Variants in DAAM2 observed in about 807,000 individuals in gnomAD.
DAAM2 encodes dishevelled associated activator of morphogenesis 2.
A neutral mutation model predicts 120.7 loss-of-function variants in DAAM2; 39 were observed. The observed-to-expected ratio is 0.32, with a 90% confidence interval of 0.25 to 0.42. DAAM2 has a LOEUF of 0.42. Ranked by LOEUF, DAAM2 falls within the 10% of genes least tolerant of loss-of-function variation. DAAM2 has a pLI of 1.00. For missense variants in DAAM2, 1,283 were observed against 1,401.7 expected, an observed-to-expected ratio of 0.92 and a Z score of 1.35; for synonymous variants, 488 against 524.9, an observed-to-expected ratio of 0.93 and a Z score of 0.96.
intron 15 of DAAM2, chr6:39,887,254 AG>A: frequency 4.3e-6 from 2 of 468,462 alleles, no homozygotes; most frequent in Admixed American, 3.7e-5. Flanking sequence ...AAAAATAGGA[AG>A]GGGGGCTTCT....
At chr6:39,871,652 G>A (rs922020771) in intron 9 of DAAM2, 80 bp downstream of exon 9, 48 of 1,338,334 alleles carry the variant, frequency 3.6e-5, no homozygotes, top group South Asian at 2.6e-5. Flanking sequence ...TCTAGACCCC[G>A]TGTTGTGGCA....
At chr6:39,846,222 G>A (rs906911003) in intron 1 of DAAM2, among the ~76,000 whole-genome samples, 3 of 152,140 alleles carry the variant, frequency 2.0e-5, no homozygotes, top group African/African-American at 7.2e-5. Flanking sequence ...CCAGCCCCAA[G>A]AGCAGTGCCG....
At chr6:39,871,880 G>A (rs528074204) in intron 9 of DAAM2, among the ~76,000 whole-genome samples, 1 of 152,344 alleles carries the variant, frequency 6.6e-6, no homozygotes, top group South Asian at 2.1e-4. Flanking sequence ...CCAGTAGCAT[G>A]GCTCAGTCCA....
At chr6:39,886,671 A>G in intron 15 of DAAM2, 1 of 387,782 alleles carries the variant, frequency 2.6e-6, no homozygotes, top group Non-Finnish European at 4.6e-6. Flanking sequence ...TGTCTCCTGG[A>G]ATGAGGAGAA....
intron 1 of DAAM2, among the ~76,000 whole-genome samples, chr6:39,814,600 C>T (rs1349093922): frequency 6.6e-6 from 1 of 152,248 alleles, no homozygotes; most frequent in Non-Finnish European, 1.5e-5. Context: ...CAAACGCGTT[C>T]ATCTTTCTCC....
At chr6:39,887,451 A>C (rs756585014) in intron 15 of DAAM2, 35 bp from the exon 16 acceptor site, 3 of 1,529,612 alleles carry the variant, frequency 2.0e-6, no homozygotes, top group Non-Finnish European at 2.7e-6. Flanking sequence ...TAGGGAACCC[A>C]CACCTCAACT....
chr6:39,878,208 TCAA>T lies in DAAM2; in HGVS notation c.1309_1311del (p.Asn437del). 6.2e-7 allele frequency: 1 copy of T among 1,613,930 alleles called. No homozygotes were observed. Among genetic ancestry groups the T allele is most frequent in the Non-Finnish European group, 8.5e-7 (1 of 1,179,880 alleles). Reference sequence around the variant, plus strand: ...TTCCCTCTATGCCCTGCCAGGCTCATCAACGAGAATGAAGTGAAACAGTGGCGA... The same window carrying T: ...TTCCCTCTATGCCCTGCCAGGCTCATCGAGAATGAAGTGAAACAGTGGCGA... On this transcript the variant is annotated inframe_deletion, in exon 12 of 25. Transcript: ENST00000274867. This position sits in a 1 kb window ranked among gnomAD's most constrained non-coding sequence, Gnocchi z 5.0.
chr6:39,902,179 C>A lies in DAAM2; in HGVS notation c.*142C>A. On this transcript the variant is annotated 3_prime_UTR_variant, in exon 25 of 25. Coordinates refer to ENST00000274867, the MANE Select transcript of DAAM2 (RefSeq NM_001201427.2). ...TCCTGGGATGGGGGGCTGTGTGTGG[C>A]TGGACCAGGTGTCTCCCCACGCTTA... 1 of 613,444 alleles carries A rather than the reference C, an allele frequency of 1.6e-6. No homozygotes were observed. The highest frequency in any genetic ancestry group is 2.7e-6 in the Non-Finnish European group (1 of 369,296). The allele number at this position is 613,444 out of a possible 1,614,324, so 38.0% of individuals were successfully genotyped here.
chr6:39,874,717 C>G (rs1467774971), intron 10 of DAAM2, among the ~76,000 whole-genome samples: 1 of 152,176 alleles, frequency 6.6e-6, no homozygotes, highest in Admixed American at 6.5e-5. Flanking sequence ...AGCCAGATGA[C>G]TATCATTAGA....
intron 7 of DAAM2, among the ~76,000 whole-genome samples, chr6:39,869,433 A>G (rs930162460): frequency 6.6e-6 from 1 of 152,056 alleles, no homozygotes; most frequent in Non-Finnish European, 1.5e-5. Flanking sequence ...AAAAAAATAT[A>G]AAAATTAGCC....
intron 1 of DAAM2, among the ~76,000 whole-genome samples, chr6:39,839,357 G>A (rs1320097109): frequency 1.3e-5 from 2 of 152,222 alleles, no homozygotes; most frequent in East Asian, 1.9e-4. Context: ...TCTGAGGGCA[G>A]GGCCCTGGAA....
At chr6:39,898,815 C>A in intron 21 of DAAM2, 62 bp from the exon 22 acceptor site, 3 of 1,437,242 alleles carry the variant, frequency 2.1e-6, no homozygotes, top group East Asian at 2.4e-5. Flanking sequence ...CCTGAACCAG[C>A]CTTAGCACCT....
chr6:39,822,009 G>A (rs998928945), intron 1 of DAAM2: 1 of 152,520 alleles, frequency 6.6e-6, no homozygotes, highest in African/African-American at 2.4e-5. Context: ...CAGTGTCGTA[G>A]TGGGAGGAGG....
chr6:39,813,025 C>A (rs1242252536), intron 1 of DAAM2, among the ~76,000 whole-genome samples: 2 of 152,020 alleles, frequency 1.3e-5, no homozygotes, highest in African/African-American at 4.8e-5. Context: ...TCCCTGACAC[C>A]TCCCCTCCCC....
intron 5 of DAAM2, among the ~76,000 whole-genome samples, chr6:39,866,550 T>C (rs1416597902): frequency 6.6e-6 from 1 of 152,236 alleles, no homozygotes; most frequent in African/African-American, 2.4e-5. Context: ...GCCATGGACA[T>C]CCGGCGCCTA....
intron 1 of DAAM2, among the ~76,000 whole-genome samples, chr6:39,807,357 A>G (rs560291801): frequency 1.3e-5 from 2 of 152,342 alleles, no homozygotes; most frequent in South Asian, 4.1e-4. Flanking sequence ...AAACATTTAT[A>G]TGTATAATTA....
At chr6:39,855,656 AG>A (rs902411182) in intron 1 of DAAM2, among the ~76,000 whole-genome samples, 40 of 152,344 alleles carry the variant, frequency 2.6e-4, no homozygotes, top group African/African-American at 9.1e-4. Flanking sequence ...ATGCCTGTAC[AG>A]AAAACTGAGC....
Position 39,904,296 on chromosome 6 carries a change from C to T in DAAM2, c.*2259C>T. The T allele has an allele frequency of 2.2e-6, 1 of 456,782 alleles. No individual in the cohort carries two copies. Among genetic ancestry groups the T allele is most frequent in the Non-Finnish European group, 4.4e-6 (1 of 226,986 alleles). 28.3% of individuals were successfully genotyped at this position (456,782 alleles called of 1,614,324 possible). ...AAGATATTTTTCTATTTATTTTCTA[C>T]ATCTGGCCAGTGGCTCTGGTGCTAG... is the stretch of plus-strand genomic sequence containing the variant. On this transcript the variant is annotated 3_prime_UTR_variant, in exon 25 of 25. Coordinates refer to ENST00000274867, the MANE Select transcript of DAAM2 (RefSeq NM_001201427.2).
intron 1 of DAAM2, among the ~76,000 whole-genome samples, chr6:39,837,276 C>T (rs1246557683): frequency 6.6e-6 from 1 of 152,202 alleles, no homozygotes; most frequent in African/African-American, 2.4e-5. Context: ...CAGGAGCTTG[C>T]TCCTATGGGG....
Sources: gnomAD v4.1 joint callset for allele counts (sites outside exome capture counted in the v4.1 genomes callset) on GRCh38, gnomAD v4.1.1 for gene constraint, Gnocchi (gnomAD v3.1) non-coding constraint, MANE v1.5 for transcripts, NCBI Gene and HGNC (gene_info 2026-07-23, HGNC 2026-07-21) for gene names.